KIAA1217: variants seen among roughly 807,000 people sequenced by gnomAD.
The protein encoded by KIAA1217 is KIAA1217.
Under a neutral mutation model 163.9 loss-of-function variants are expected in KIAA1217, and 88 were observed. The ratio of observed to expected loss-of-function variants is 0.54; its 90% confidence interval spans 0.45 to 0.64. KIAA1217 has a LOEUF of 0.64. Ranked by LOEUF, KIAA1217 falls within the 30% of genes least tolerant of loss-of-function variation. The pLI, the probability that KIAA1217 is intolerant of heterozygous loss-of-function variation, is 0.00. For synonymous variants in KIAA1217, 903 were observed against 923.1 expected (o/e 0.98, Z 0.39); for missense variants, 2,372 against 2,475.0 (o/e 0.96, Z 0.88).
chr10:23,879,971 C>T (rs1025464891), intron 1 of KIAA1217, among the ~76,000 whole-genome samples: 2 of 151,778 alleles, frequency 1.3e-5, no homozygotes, highest in East Asian at 1.9e-4. Context: ...ATTACATGGG[C>T]CACTTCTAGG....
intron 2 of KIAA1217, among the ~76,000 whole-genome samples, chr10:24,363,026 G>A (rs1290202379): frequency 6.6e-6 from 1 of 152,024 alleles, no homozygotes; most frequent in Non-Finnish European, 1.5e-5. Context: ...GCAGCCTCCA[G>A]AGTTTCCTGA....
chr10:23,753,418 T>G (rs572504882), intron 1 of KIAA1217, among the ~76,000 whole-genome samples: 1 of 152,328 alleles, frequency 6.6e-6, no homozygotes, highest in African/African-American at 2.4e-5. Context: ...ATCTGTACAT[T>G]TGCTTGTGAA....
chr10:24,045,030 T>A (rs1471539578), intron 2 of KIAA1217, among the ~76,000 whole-genome samples: 1 of 152,200 alleles, frequency 6.6e-6, no homozygotes, highest in Non-Finnish European at 1.5e-5. Context: ...GAAAACTAAA[T>A]GACAGGTAAA....
At chr10:24,495,431 G>C (rs1019762650) in intron 8 of KIAA1217, among the ~76,000 whole-genome samples, 2 of 152,140 alleles carry the variant, frequency 1.3e-5, no homozygotes, top group Non-Finnish European at 2.9e-5. Context: ...CATTGATATG[G>C]CCACACGGTG....
At chr10:23,779,249 A>G (rs1313664677) in intron 1 of KIAA1217, among the ~76,000 whole-genome samples, 1 of 152,208 alleles carries the variant, frequency 6.6e-6, no homozygotes, top group African/African-American at 2.4e-5. Flanking sequence ...GAGGCAGGTC[A>G]GAAAATCACA....
At chr10:24,075,770 A>G (rs924387567) in intron 2 of KIAA1217, among the ~76,000 whole-genome samples, 1 of 151,520 alleles carries the variant, frequency 6.6e-6, no homozygotes, top group Non-Finnish European at 1.5e-5. Context: ...TGCCTGGCTA[A>G]TTTTTGTATT....
intron 1 of KIAA1217, among the ~76,000 whole-genome samples, chr10:23,738,375 C>T (rs576720735): frequency 1.1e-4 from 16 of 152,168 alleles, no homozygotes; most frequent in South Asian, 8.3e-4. Context: ...AGTTTTCTTT[C>T]GAAGGTTTGG....
intron 1 of KIAA1217, among the ~76,000 whole-genome samples, chr10:23,993,759 A>G (rs1846334866): frequency 6.6e-6 from 1 of 151,494 alleles, no homozygotes; most frequent in African/African-American, 2.4e-5. Context: ...TTGGATTTTT[A>G]GCAGAAAACG....
chr10:24,056,177 G>A lies in KIAA1217; in HGVS notation c.-171+48803G>A, dbSNP rs147855631. ...ACAATAAGGAAATCTTGAGTCCAAA[G>A]AATAGTGGTAACACAATTAAATTGG... On this transcript the variant is annotated intron_variant, in intron 2 of 18. Coordinates refer to the KIAA1217 transcript ENST00000376462. 1.1e-3 allele frequency among the ~76,000 whole-genome samples: 169 copies of A among 152,124 alleles called. 1 individual carries two copies. The highest frequency in any genetic ancestry group is 3.9e-3 in the African/African-American group (163 of 41,514).
chr10:24,388,798 T>G (rs1041144375), intron 3 of KIAA1217, among the ~76,000 whole-genome samples: 2 of 150,670 alleles, frequency 1.3e-5, no homozygotes, highest in African/African-American at 2.5e-5. Flanking sequence ...AACAGACACA[T>G]GAAAAAATGC....
At position 23,816,765 on chromosome 10, in the gene KIAA1217, T is replaced by A. The variant is rs547297226; in HGVS notation, c.-321+121531T>A. Among the ~76,000 whole-genome samples, 3 of 152,240 alleles carry A rather than the reference T, an allele frequency of 2.0e-5. No individual in the cohort carries two copies. In the East Asian group the frequency reaches 5.8e-4, roughly 29 times the overall value. On this transcript the variant is annotated intron_variant, in intron 1 of 18. Coordinates refer to the KIAA1217 transcript ENST00000376462. ...ATTGGAAGGGCAATTGGACAAATGG[T>A]TAGAGATTGACATTTCTGCATTGTT...
At chr10:24,226,365 G>A (rs538299546) in intron 2 of KIAA1217, among the ~76,000 whole-genome samples, 8 of 152,174 alleles carry the variant, frequency 5.3e-5, no homozygotes, top group African/African-American at 1.7e-4. Flanking sequence ...GGTGGCTCAC[G>A]CCTGCAGTCC....
chr10:23,986,570 G>A (rs1845980540), intron 1 of KIAA1217, among the ~76,000 whole-genome samples: 1 of 152,014 alleles, frequency 6.6e-6, no homozygotes, highest in African/African-American at 2.4e-5. Flanking sequence ...TGACTGTACT[G>A]CTATTTTTTG....
chr10:24,233,686 T>C (rs1015448989), intron 2 of KIAA1217, among the ~76,000 whole-genome samples: 4 of 152,216 alleles, frequency 2.6e-5, no homozygotes, highest in Non-Finnish European at 5.9e-5. Flanking sequence ...TTACAAAGTT[T>C]TTCTTAGAAT....
chr10:24,405,639 G>A (rs2057127330), intron 3 of KIAA1217, among the ~76,000 whole-genome samples: 1 of 152,176 alleles, frequency 6.6e-6, no homozygotes, highest in African/African-American at 2.4e-5. Flanking sequence ...TTGATATGAG[G>A]TGTCATTTAC....
At chr10:23,930,411 C>T (rs539676010) in intron 1 of KIAA1217, among the ~76,000 whole-genome samples, 1 of 152,024 alleles carries the variant, frequency 6.6e-6, no homozygotes, top group South Asian at 2.1e-4. Flanking sequence ...GTCGAAAGTC[C>T]TCATGAAGGG....
At chr10:24,375,038 G>A (rs937952691) in intron 2 of KIAA1217, among the ~76,000 whole-genome samples, 3 of 152,122 alleles carry the variant, frequency 2.0e-5, no homozygotes, top group Non-Finnish European at 4.4e-5. Context: ...CACCTGCCTA[G>A]GCCTCCCAAA....
Position 24,380,916 on chromosome 10 carries a change from T to G in KIAA1217, c.402T>G (p.Gly134=). Residue 134 remains glycine (G), a synonymous_variant, in exon 3 of 21, where the codon GGT becomes GGG. Coordinates refer to ENST00000376454, the MANE Select transcript of KIAA1217 (RefSeq NM_019590.5). Reference sequence around the variant, plus strand: ...ACAGTCCTCAACCACCCAGTCTGGGTGACCCGGTCGAGCATTTATCAGAGA... The same window carrying G: ...ACAGTCCTCAACCACCCAGTCTGGGGGACCCGGTCGAGCATTTATCAGAGA... ...LSHSPQPPSL[G]DPVEHLSETS... 1 of 1,603,894 alleles carries G rather than the reference T, an allele frequency of 6.2e-7. No individual in the cohort carries two copies. Among genetic ancestry groups the G allele is most frequent in the African/African-American group, 1.3e-5 (1 of 74,778 alleles).
chr10:23,950,099 C>T (rs1268735525), intron 1 of KIAA1217, among the ~76,000 whole-genome samples: 1 of 152,028 alleles, frequency 6.6e-6, no homozygotes, highest in Non-Finnish European at 1.5e-5. Context: ...GAACCAAGAC[C>T]CCTCTAATCC....
Sources: allele counts gnomAD v4.1 joint callset (sites outside exome capture counted in the v4.1 genomes callset), GRCh38; gene constraint gnomAD v4.1.1; transcripts MANE v1.5; gene names NCBI Gene and HGNC (gene_info 2026-07-23, HGNC 2026-07-21).